UGT2B7: variants seen among roughly 807,000 people sequenced by gnomAD.
UGT2B7 encodes UDP-glucuronosyltransferase 2B7.
UGT2B7 carries 51 observed loss-of-function variants against 51.9 expected under a neutral mutation model. That is an observed-to-expected ratio of 0.98 (90% CI 0.78 to 1.24). The LOEUF is 1.24. Ranked by LOEUF, UGT2B7 falls within the 50% of genes most tolerant of loss-of-function variation. UGT2B7 has a pLI of 0.00. For missense variants in UGT2B7, 727 were observed against 628.4 expected, an observed-to-expected ratio of 1.16 and a Z score of -1.68; for synonymous variants, 225 against 211.6, an observed-to-expected ratio of 1.06 and a Z score of -0.55.
At chr4:69,103,558 A>C (rs576851952) in intron 3 of UGT2B7, among the ~76,000 whole-genome samples, 2 of 152,344 alleles carry the variant, frequency 1.3e-5, no homozygotes, top group South Asian at 4.1e-4. Flanking sequence ...AATGGTGCTT[A>C]ATGTAGTCTT....
At chr4:69,079,888 A>G (rs1396151475) in intron 1 of UGT2B7, among the ~76,000 whole-genome samples, 2 of 152,052 alleles carry the variant, frequency 1.3e-5, no homozygotes, top group Admixed American at 6.6e-5. Context: ...TGATACAGCT[A>G]TACTGTAATC....
chr4:69,072,150 A>G (rs1718616000), intron 1 of UGT2B7, among the ~76,000 whole-genome samples: 2 of 152,072 alleles, frequency 1.3e-5, no homozygotes, highest in African/African-American at 2.4e-5. Flanking sequence ...CTTGATAGAG[A>G]CTCATAAAAT....
intron 1 of UGT2B7, among the ~76,000 whole-genome samples, chr4:69,078,705 C>A (rs565142841): frequency 8.5e-5 from 13 of 152,120 alleles, no homozygotes; most frequent in Non-Finnish European, 4.4e-5. Context: ...CAGCCCTAAT[C>A]TGCTGTTTTT....
chr4:69,068,577 G>A lies in UGT2B7; in HGVS notation c.-159+16975G>A, dbSNP rs1003322820. Among the ~76,000 whole-genome samples the A allele has an allele frequency of 1.4e-4, 21 of 152,034 alleles. No homozygotes were observed. In the East Asian group the frequency reaches 3.9e-3, roughly 28 times the overall value. On this transcript the variant is annotated intron_variant, in intron 1 of 5. Coordinates refer to the UGT2B7 transcript ENST00000502942. The stretch of plus-strand genomic sequence containing the variant: ...AAGCATAATGCTGGTATTGAAAAAT[G>A]AAGATAACTTTTAATTAGTTGATAC...
rs1234684466 is a variant in UGT2B7, at chr4:69,112,676, A to G, written c.1530A>G (p.Lys510=). ...CVATVIFIVT[K]CCLFCFWKFA... is the part of the protein sequence containing the mutation. ...CAACTGTGATATTTATCGTCACAAA[A>G]TGTTGTCTGTTTTGTTTCTGGAAGT... is the stretch of plus-strand genomic sequence containing the variant. The change falls in exon 6 of 6, where the codon AAA becomes AAG. Residue 510 remains lysine (K), a synonymous_variant. Transcript: ENST00000305231. 17 of 1,613,742 alleles carry G rather than the reference A, an allele frequency of 1.1e-5. No homozygotes were observed. The African/African-American group carries it at 1.1e-4, about 10-fold the overall frequency.
chr4:69,081,261 G>C (rs1248466409), intron 1 of UGT2B7, among the ~76,000 whole-genome samples: 1 of 152,100 alleles, frequency 6.6e-6, no homozygotes, highest in Non-Finnish European at 1.5e-5. Flanking sequence ...GATGTAGTCA[G>C]TAATCACAAA....
chr4:69,097,626 A>G (rs766808853), intron 1 of UGT2B7, among the ~76,000 whole-genome samples: 6 of 152,104 alleles, frequency 3.9e-5, no homozygotes, highest in Non-Finnish European at 5.9e-5. Flanking sequence ...ACAACTATCT[A>G]TATAACTGCA....
chr4:69,097,121 T>C lies in UGT2B7; in HGVS notation c.601T>C (p.Leu201=). 1 of 1,613,730 alleles carries C rather than the reference T, an allele frequency of 6.2e-7. No homozygotes were observed. Among genetic ancestry groups the C allele is most frequent in the Non-Finnish European group, 8.5e-7 (1 of 1,179,696 alleles). ...CTACGTACCTGTTGTTATGTCAGAA[T>C]TAACTGATCAAATGACTTTCATGGA... The part of the protein sequence containing the change: ...PSYVPVVMSE[L]TDQMTFMERV... Residue 201 remains leucine, a synonymous_variant, in exon 1 of 6, where the codon TTA becomes CTA. Transcript: ENST00000305231.
chr4:69,051,548 A>G (rs536499969), exon 1 of UGT2B7: 1 of 152,460 alleles, frequency 6.6e-6, no homozygotes, highest in East Asian at 1.9e-4. Context: ...GGATTAACAC[A>G]GTGGCTGAAC....
chr4:69,059,550 G>A (rs1257725655), intron 1 of UGT2B7, among the ~76,000 whole-genome samples: 1 of 152,196 alleles, frequency 6.6e-6, no homozygotes, highest in Non-Finnish European at 1.5e-5. Flanking sequence ...TAAATGAAAT[G>A]CCTGGGTTGC....
chr4:69,091,706 T>G (rs561106067), upstream of UGT2B7, among the ~76,000 whole-genome samples: 37 of 152,294 alleles, frequency 2.4e-4, no homozygotes, highest in African/African-American at 7.2e-4. Flanking sequence ...GTGCTGGTTG[T>G]GCATTCTGTG....
chr4:69,102,915 G>C lies in UGT2B7; in HGVS notation c.979G>C (p.Ala327Pro), dbSNP rs1306216941. ...TEERANVIAS[A>P]LAQIPQKVLW... ...AGAAAGGGCCAACGTAATTGCATCA[G>C]CCCTGGCCCAGATCCCACAAAAGGT... Residue 327 changes from alanine (A) to proline (P), a missense_variant, in exon 3 of 6, where the codon GCC becomes CCC. By Grantham distance (27) the Ala-to-Pro change is conservative (BLOSUM62 -1). Transcript: ENST00000305231. The C allele has an allele frequency of 1.9e-6, 3 of 1,613,208 alleles. No homozygotes were observed. Among genetic ancestry groups the C allele is most frequent in the Non-Finnish European group, 2.5e-6 (3 of 1,179,576 alleles).
chr4:69,067,527 A>G (rs1370329938), intron 1 of UGT2B7: 2 of 155,868 alleles, frequency 1.3e-5, no homozygotes, highest in Middle Eastern at 3.4e-3. Flanking sequence ...CTTTGCTCAC[A>G]TGAAGGCTAA....
chr4:69,083,199 G>A (rs1007068626), intron 1 of UGT2B7, among the ~76,000 whole-genome samples: 1 of 152,054 alleles, frequency 6.6e-6, no homozygotes, highest in African/African-American at 2.4e-5. Flanking sequence ...CAAAAGTTCT[G>A]ATAGGAATGT....
rs942707850 is a variant in UGT2B7, at chr4:69,107,400, T to A, written c.1090+138T>A. 4 of 1,025,212 alleles carry A rather than the reference T, an allele frequency of 3.9e-6. No individual in the cohort carries two copies. The African/African-American group carries it at 6.4e-5, about 16-fold the overall frequency. The allele number at this position is 1,025,212 out of a possible 1,614,324, so 63.5% of individuals were successfully genotyped here. On this transcript the variant is annotated intron_variant, in intron 4 of 5. Transcript: ENST00000305231. ...CTTCTTTATATTGATTTTCCAGTCT[T>A]AAGGGAGAAAGAATACATTATAATT...
Position 69,112,860 on chromosome 4 carries a change from T to G in UGT2B7, c.*124T>G. ...ACAAAAAAAAAAAAAGAAAAAAAAA[T>G]CTTTTCAAAATTTACTTTGTCAAAT... On this transcript the variant is annotated 3_prime_UTR_variant, in exon 6 of 6. Transcript: ENST00000305231. 7.5e-7 allele frequency: 1 copy of G among 1,335,584 alleles called. No homozygotes were observed. Among genetic ancestry groups the G allele is most frequent in the Non-Finnish European group, 9.8e-7 (1 of 1,017,158 alleles). The allele number at this position is 1,335,584 out of a possible 1,614,324, so 82.7% of individuals were successfully genotyped here.
chr4:69,101,837 T>C (rs931278474), intron 2 of UGT2B7, among the ~76,000 whole-genome samples: 2 of 152,148 alleles, frequency 1.3e-5, no homozygotes, highest in African/African-American at 2.4e-5. Flanking sequence ...AAGCACATCT[T>C]CACTAGGAAT....
At chr4:69,094,747 A>T (rs369870262), upstream of UGT2B7, among the ~76,000 whole-genome samples, 3 of 152,206 alleles carry the variant, frequency 2.0e-5, no homozygotes, top group Admixed American at 6.5e-5. Context: ...CCTTTCACAA[A>T]AGATATTTTT....
At chr4:69,077,907 C>A (rs1487029709) in intron 1 of UGT2B7, among the ~76,000 whole-genome samples, 1 of 152,084 alleles carries the variant, frequency 6.6e-6, no homozygotes, top group Non-Finnish European at 1.5e-5. Flanking sequence ...ATGATATGGG[C>A]TGTGGGTTTG....
Sources: gnomAD v4.1 joint callset for allele counts (sites outside exome capture counted in the v4.1 genomes callset) on GRCh38, gnomAD v4.1.1 for gene constraint, MANE v1.5 for transcripts, NCBI Gene and HGNC (gene_info 2026-07-23, HGNC 2026-07-21) for gene names.